The following FBXO16 variants were observed in gnomAD, a reference collection of about 807,000 sequenced individuals.
FBXO16 encodes the protein F-box only protein 16.
In FBXO16, 31 loss-of-function variants were observed where a neutral mutation model predicts 41.0. The observed-to-expected ratio is 0.76, with a 90% CI of 0.57 to 1.02. The LOEUF (loss-of-function observed/expected upper bound fraction) is 1.02, where lower values mean the gene tolerates loss of function less well. Among genes scored for constraint, FBXO16 ranks in the 50% least tolerant of loss-of-function variants. The pLI is 0.00. For synonymous variants in FBXO16, 133 were observed against 117.8 expected, an observed-to-expected ratio of 1.13 and a Z score of -0.84; for missense variants, 361 against 346.2, an observed-to-expected ratio of 1.04 and a Z score of -0.34.
At chr8:28,457,730 C>G (rs1803060633) in intron 4 of FBXO16, among the ~76,000 whole-genome samples, 2 of 152,130 alleles carry the variant, frequency 1.3e-5, no homozygotes, top group Non-Finnish European at 2.9e-5. Context: ...GGGGACATAG[C>G]CCAACCATAT....
chr8:28,485,811 G>A (rs1803592275), intron 1 of FBXO16, among the ~76,000 whole-genome samples: 1 of 152,120 alleles, frequency 6.6e-6, no homozygotes. Context: ...ATGTGAGCAG[G>A]CAAGTTATAG....
intron 1 of FBXO16, among the ~76,000 whole-genome samples, chr8:28,485,498 T>C (rs1803588193): frequency 6.6e-6 from 1 of 152,216 alleles, no homozygotes; most frequent in Non-Finnish European, 1.5e-5. Flanking sequence ...TTAATCATTA[T>C]ATTTTGGCTA....
chr8:28,478,120 A>C (rs1803452040), intron 2 of FBXO16, among the ~76,000 whole-genome samples: 1 of 152,232 alleles, frequency 6.6e-6, no homozygotes, highest in Non-Finnish European at 1.5e-5. Flanking sequence ...ATTTTTAAAA[A>C]TAATTTTATG....
intron 3 of FBXO16, among the ~76,000 whole-genome samples, chr8:28,469,873 C>G (rs1486743590): frequency 6.6e-6 from 1 of 151,036 alleles, no homozygotes; most frequent in African/African-American, 2.4e-5. Flanking sequence ...TGCACTCCAG[C>G]CTGGGCGACA....
At chr8:28,459,083 C>T (rs1252138112) in intron 4 of FBXO16, among the ~76,000 whole-genome samples, 1 of 152,138 alleles carries the variant, frequency 6.6e-6, no homozygotes, top group African/African-American at 2.4e-5. Flanking sequence ...AATAACATTT[C>T]CCTCTAATAA....
chr8:28,446,119 T>C (rs1314727171), intron 7 of FBXO16, among the ~76,000 whole-genome samples: 1 of 151,698 alleles, frequency 6.6e-6, no homozygotes, highest in Non-Finnish European at 1.5e-5. Context: ...GTTTTTTAAT[T>C]AGGAAGGGAA....
At chr8:28,437,944 G>A (rs148302813) in intron 7 of FBXO16, among the ~76,000 whole-genome samples, 28 of 152,226 alleles carry the variant, frequency 1.8e-4, no homozygotes, top group African/African-American at 6.5e-4. Flanking sequence ...AAGACTATAC[G>A]GAGGCCATGT....
intron 4 of FBXO16, among the ~76,000 whole-genome samples, chr8:28,460,340 C>T (rs1484936778): frequency 1.6e-5 from 2 of 121,520 alleles, no homozygotes; most frequent in Non-Finnish European, 3.3e-5. Context: ...CCTTCAACCC[C>T]CCAGCCTTAA....
intron 2 of FBXO16, among the ~76,000 whole-genome samples, chr8:28,474,919 G>A (rs1455743453): frequency 6.6e-6 from 1 of 152,220 alleles, no homozygotes; most frequent in Admixed American, 6.5e-5. Flanking sequence ...GAGCATCAGT[G>A]CATATGTATA....
chr8:28,443,022 A>AT (rs1802805227), intron 7 of FBXO16, among the ~76,000 whole-genome samples: 1 of 135,540 alleles, frequency 7.4e-6, no homozygotes, highest in Non-Finnish European at 1.6e-5. Context: ...TATTACTTGT[A>AT]CTTTTTTTTT....
intron 7 of FBXO16, among the ~76,000 whole-genome samples, chr8:28,439,090 G>A (rs1463699591): frequency 4.7e-5 from 4 of 84,844 alleles, no homozygotes; most frequent in Non-Finnish European, 6.3e-5. Flanking sequence ...GTGAGAACCT[G>A]TCTCAAAAAA....
chr8:28,445,666 A>G (rs1802852418), intron 7 of FBXO16, among the ~76,000 whole-genome samples: 2 of 152,140 alleles, frequency 1.3e-5, no homozygotes, highest in African/African-American at 4.8e-5. Flanking sequence ...ACACATGTCT[A>G]TGGTAAGCCT....
At chr8:28,465,488 G>A (rs1203170034) in intron 3 of FBXO16, 3 of 420,248 alleles carry the variant, frequency 7.1e-6, no homozygotes, top group Non-Finnish European at 9.6e-6. Flanking sequence ...GGTGGTGTAC[G>A]CCTGTGGTCC....
intron 3 of FBXO16, 62 bp from the exon 4 acceptor site, chr8:28,463,880 T>C (rs1585910076): frequency 6.8e-7 from 1 of 1,476,584 alleles, no homozygotes; most frequent in African/African-American, 1.4e-5. Flanking sequence ...AGCAGATTCA[T>C]TACGAGTAAG....
rs765205390 is a variant in FBXO16 at position 28,452,473 on chromosome 8, G to T, written c.511C>A (p.Pro171Thr). ...KELHITKPKT[P>T]PKDGFVIADV... is the part of the protein sequence containing the mutation. ...GCGATTACAAATCCATCCTTTGGGGGTGTCTAGAAGAAGAAAGTTAATTAT... is the reference window on the plus strand; with the variant it reads ...GCGATTACAAATCCATCCTTTGGGGTTGTCTAGAAGAAGAAAGTTAATTAT... The change falls in exon 6 of 9, where the codon CCC (proline) becomes ACC (threonine). Residue 171 changes from proline to threonine, a missense_variant. Physicochemically the swap from Pro to Thr is conservative, Grantham distance 38. Transcript: ENST00000380254. 35 of 1,613,374 alleles carry T rather than the reference G, an allele frequency of 2.2e-5. No homozygotes were observed. The highest frequency in any genetic ancestry group is 2.9e-5 in the Non-Finnish European group (34 of 1,179,870).
At position 28,452,489 on chromosome 8, in the gene FBXO16, A is replaced by G; in HGVS notation, c.508-13T>C. 1 of 1,612,298 alleles carries G rather than the reference A, an allele frequency of 6.2e-7. No homozygotes were observed. The highest frequency in any genetic ancestry group is 1.7e-5 in the Admixed American group (1 of 59,894). On this transcript the variant is annotated splice_polypyrimidine_tract_variant and intron_variant, in intron 5 of 8. Transcript: ENST00000380254. ...CCTTTGGGGGTGTCTAGAAGAAGAA[A>G]GTTAATTATGTTCTCAAAACACTAT...
intron 5 of FBXO16, among the ~76,000 whole-genome samples, chr8:28,455,080 GATT>G: frequency 7.5e-6 from 1 of 133,202 alleles, no homozygotes. Flanking sequence ...GAATTACATT[GATT>G]TTTTTTTTTT....
intron 5 of FBXO16, chr8:28,455,816 C>T (rs1316077103): frequency 1.3e-5 from 2 of 152,138 alleles, no homozygotes; most frequent in Non-Finnish European, 2.9e-5. Context: ...GCAATTGTAA[C>T]AATATTAATT....
In FBXO16 at chr8:28,432,000, A is replaced by G. The variant is rs536754259; in HGVS notation, c.844-2597T>C. 9.5e-5 allele frequency among the ~76,000 whole-genome samples: 13 copies of G among 136,692 alleles called. No homozygotes were observed. In the East Asian group the frequency reaches 2.3e-3, roughly 24 times the overall value. The allele number at this position is 136,692 out of a possible 152,430, so 89.7% of individuals were successfully genotyped here. The stretch of plus-strand genomic sequence containing the variant: ...TTTTGTCTACTTCCAGTGATACTGC[A>G]TATGTAGTGAGCAAACGTAGACATA... On this transcript the variant is annotated intron_variant, in intron 7 of 8. Transcript: ENST00000380254.
Sources: gnomAD v4.1 joint callset for allele counts (sites outside exome capture counted in the v4.1 genomes callset) on GRCh38, gnomAD v4.1.1 for gene constraint, MANE v1.5 for transcripts, NCBI Gene and HGNC (gene_info 2026-07-23, HGNC 2026-07-21) for gene names.